ABCA5: variants seen among roughly 807,000 people sequenced by gnomAD.
ABCA5 encodes cholesterol transporter ABCA5.
Under a neutral mutation model 206.0 loss-of-function variants are expected in ABCA5, and 163 were observed. The observed-to-expected ratio is 0.79, with a 90% CI of 0.70 to 0.90. The LOEUF is 0.90. Among genes scored for constraint, ABCA5 ranks in the 40% least tolerant of loss-of-function variants. ABCA5 has a pLI of 0.00. For synonymous variants in ABCA5, 609 were observed against 613.8 expected, an observed-to-expected ratio of 0.99 and a Z score of 0.11; for missense variants, 1,859 against 1,912.9, an observed-to-expected ratio of 0.97 and a Z score of 0.53.
At chr17:69,309,884 T>A (rs2075753646) in intron 3 of ABCA5, among the ~76,000 whole-genome samples, 1 of 151,846 alleles carries the variant, frequency 6.6e-6, no homozygotes, top group African/African-American at 2.4e-5. Context: ...TCCAACAAAA[T>A]AATAATAATA....
At chr17:69,272,590 G>C (rs1294686707) in intron 20 of ABCA5, among the ~76,000 whole-genome samples, 9 of 151,838 alleles carry the variant, frequency 5.9e-5, no homozygotes, top group Non-Finnish European at 1.3e-4. Flanking sequence ...CACAGTGTAA[G>C]GATTATATAT....
At position 69,273,964 on chromosome 17, in the gene ABCA5, G is replaced by T; in HGVS notation, c.2759C>A (p.Ser920Tyr). Residue 920 changes from serine (S) to tyrosine (Y), a missense_variant, in exon 20 of 39, where the codon TCT becomes TAT. Ser to Tyr is a moderately radical substitution (Grantham distance 144). Coordinates refer to ENST00000392676, the MANE Select transcript of ABCA5 (RefSeq NM_172232.4). ...KYKTSLLLQNSADSDISDLIS... is the reference protein window; with the variant it reads ...KYKTSLLLQNYADSDISDLIS... ...AGACCTTCACACACTCTCACCAGCA[G>T]AATTTTGAAGAAGCAGACTTGTTTT... 3.7e-6 allele frequency: 6 copies of T among 1,602,976 alleles called. No individual in the cohort carries two copies. The highest frequency in any genetic ancestry group is 4.2e-6 in the Non-Finnish European group (5 of 1,176,794).
chr17:69,270,810 T>C (rs2075264808), intron 21 of ABCA5, 60 bp from the exon 22 acceptor site: 5 of 1,398,130 alleles, frequency 3.6e-6, no homozygotes, highest in Non-Finnish European at 4.7e-6. Flanking sequence ...ATTATTGATA[T>C]GTACCAAGCT....
rs1567760366 is a variant in ABCA5 at position 69,273,962 on chromosome 17, C to A, written c.2761G>T (p.Ala921Ser). Residue 921 changes from alanine to serine, a missense_variant, in exon 20 of 39, where the codon GCT becomes TCT. By Grantham distance (99) the Ala-to-Ser change is moderately conservative. Coordinates refer to ENST00000392676, the MANE Select transcript of ABCA5 (RefSeq NM_172232.4). ...ACAGACCTTCACACACTCTCACCAG[C>A]AGAATTTTGAAGAAGCAGACTTGTT... ...YKTSLLLQNS[A>S]DSDISDLISF... is the part of the protein sequence containing the mutation. 6.2e-7 allele frequency: 1 copy of A among 1,602,590 alleles called. No homozygotes were observed. The highest frequency in any genetic ancestry group is 2.2e-5 in the East Asian group (1 of 44,784).
chr17:69,270,778 C>G, intron 21 of ABCA5, 28 bp from the exon 22 acceptor site: 1 of 1,512,558 alleles, frequency 6.6e-7, no homozygotes, highest in South Asian at 1.4e-5. Flanking sequence ...ACACTTATTA[C>G]ATACTGTATA....
At chr17:69,298,893 A>G (rs2145004121) in intron 9 of ABCA5, among the ~76,000 whole-genome samples, 1 of 152,336 alleles carries the variant, frequency 6.6e-6, no homozygotes, top group African/African-American at 2.4e-5. Context: ...TAACCCACAG[A>G]GTGGGAGAAG....
At chr17:69,288,863 TA>T (rs952296039) in intron 14 of ABCA5, among the ~76,000 whole-genome samples, 2 of 151,854 alleles carry the variant, frequency 1.3e-5, no homozygotes, top group Non-Finnish European at 2.9e-5. Context: ...GGGTGAGGAA[TA>T]AAAAAAACTA....
At chr17:69,318,389 C>G (rs2075835059) in intron 1 of ABCA5, among the ~76,000 whole-genome samples, 1 of 152,100 alleles carries the variant, frequency 6.6e-6, no homozygotes, top group African/African-American at 2.4e-5. Context: ...GCCACCGTGC[C>G]TGGTCCATAA....
intron 1 of ABCA5, among the ~76,000 whole-genome samples, chr17:69,322,637 C>T (rs2075874139): frequency 6.6e-6 from 1 of 151,984 alleles, no homozygotes; most frequent in African/African-American, 2.4e-5. Context: ...CCCCCACCTC[C>T]CCCGCAAAAT....
chr17:69,253,909 A>G (rs767998005), intron 32 of ABCA5, 40 bp from the exon 33 acceptor site: 1 of 1,495,284 alleles, frequency 6.7e-7, no homozygotes, highest in Non-Finnish European at 9.2e-7. Context: ...ACCATGATAT[A>G]TATAAACACA....
intron 22 of ABCA5, among the ~76,000 whole-genome samples, chr17:69,268,556 T>C (rs1037917309): frequency 6.6e-6 from 1 of 151,892 alleles, no homozygotes; most frequent in Admixed American, 6.6e-5. Context: ...CAGGCCCCAA[T>C]GTCGTTAGCT....
At chr17:69,262,648 G>A (rs934666281) in intron 24 of ABCA5, among the ~76,000 whole-genome samples, 17 of 152,224 alleles carry the variant, frequency 1.1e-4, no homozygotes, top group African/African-American at 3.6e-4. Flanking sequence ...TGGGCTCCTA[G>A]GTTGATTCCA....
At chr17:69,303,282 A>G (rs1314781468) in intron 7 of ABCA5, among the ~76,000 whole-genome samples, 1 of 151,764 alleles carries the variant, frequency 6.6e-6, no homozygotes, top group Non-Finnish European at 1.5e-5. Context: ...CACGTCCAGC[A>G]TTTTAGTATT....
chr17:69,311,895 T>A (rs1359097496), intron 3 of ABCA5, among the ~76,000 whole-genome samples: 3 of 152,186 alleles, frequency 2.0e-5, no homozygotes, highest in African/African-American at 7.2e-5. Flanking sequence ...TAAATTCTCA[T>A]GGTAATCTAT....
rs765058027 is a variant in ABCA5 at position 69,253,550 on chromosome 17, T to C, written c.4415+23A>G. On this transcript the variant is annotated intron_variant, in intron 34 of 38. Transcript: ENST00000392676. ...TGTTCTATTCTAAAGTATCATGTAC[T>C]GTGTCACAAGTACCATACTCACCAC... The C allele has an allele frequency of 2.0e-6, 3 of 1,514,508 alleles. No individual in the cohort carries two copies. In the South Asian group the frequency reaches 3.4e-5, roughly 17 times the overall value. The allele number at this position is 1,514,508 out of a possible 1,614,324, so 93.8% of individuals were successfully genotyped here.
chr17:69,253,676 A>G lies in ABCA5; in HGVS notation c.4321-9T>C, dbSNP rs765457976. On this transcript the variant is annotated splice_polypyrimidine_tract_variant and intron_variant, in intron 33 of 38. Coordinates refer to ENST00000392676, the MANE Select transcript of ABCA5 (RefSeq NM_172232.4). ...CTTAGAGCAAAACACAACTACATGG[A>G]AAGAAAAAGATGGGTGGGAAATTAA... 6 of 1,610,386 alleles carry G rather than the reference A, an allele frequency of 3.7e-6. No individual in the cohort carries two copies. In the African/African-American group the frequency reaches 5.3e-5, roughly 14 times the overall value.
intron 1 of ABCA5, among the ~76,000 whole-genome samples, chr17:69,316,279 G>A (rs2075814846): frequency 1.3e-5 from 2 of 152,196 alleles, no homozygotes; most frequent in Non-Finnish European, 2.9e-5. Context: ...GATCACCTGA[G>A]GTCAGGAGTT....
Position 69,309,337 on chromosome 17 carries a change from T to G in ABCA5, c.394A>C (p.Lys132Gln). 1 of 1,607,854 alleles carries G rather than the reference T, an allele frequency of 6.2e-7. No individual in the cohort carries two copies. The highest frequency in any genetic ancestry group is 1.3e-5 in the African/African-American group (1 of 74,576). ...KPSNFVGVVF[K>Q]DSMSYELRFF... is the part of the protein sequence containing the mutation. ...CGAAGTTCATAGGACATGGAGTCTT[T>G]GAAAACCACACCTACAAAGTTGCTC... Residue 132 changes from lysine to glutamine, a missense_variant, in exon 4 of 39, where the codon AAA becomes CAA. Coordinates refer to ENST00000392676, the MANE Select transcript of ABCA5 (RefSeq NM_172232.4).
chr17:69,294,077 T>C (rs1049338114), intron 11 of ABCA5, among the ~76,000 whole-genome samples: 10 of 152,190 alleles, frequency 6.6e-5, no homozygotes, highest in Non-Finnish European at 8.8e-5. Flanking sequence ...GTATTGCATA[T>C]ACATGCAAAA....
Sources: gnomAD v4.1 joint callset for allele counts (sites outside exome capture counted in the v4.1 genomes callset) on GRCh38, gnomAD v4.1.1 for gene constraint, MANE v1.5 for transcripts, NCBI Gene and HGNC (gene_info 2026-07-23, HGNC 2026-07-21) for gene names.